MYH15: variants seen among roughly 807,000 people sequenced by gnomAD.
The protein encoded by MYH15 is myosin-15.
A neutral mutation model predicts 240.5 loss-of-function variants in MYH15; 227 were observed. The ratio of observed to expected loss-of-function variants is 0.94; its 90% CI spans 0.85 to 1.05. The LOEUF is 1.05. Ranked by LOEUF, MYH15 falls within the 50% of genes least tolerant of loss-of-function variation. The pLI is 0.00. For synonymous variants in MYH15, 785 were observed against 796.7 expected (o/e 0.99, Z 0.25); for missense variants, 2,217 against 2,247.5 (o/e 0.99, Z 0.27).
At chr3:108,497,982 C>T (rs770533491) in intron 6 of MYH15, 70 bp downstream of exon 6, 28 of 1,375,540 alleles carry the variant, frequency 2.0e-5, no homozygotes, top group African/African-American at 2.9e-5. Flanking sequence ...AAAAGTGGTC[C>T]GGACACAACC....
intron 16 of MYH15, among the ~76,000 whole-genome samples, chr3:108,462,885 G>A (rs569955785): frequency 5.3e-5 from 8 of 152,150 alleles, no homozygotes; most frequent in African/African-American, 1.9e-4. Flanking sequence ...TGAAGTAGAA[G>A]ACAAAAGCAG....
At position 108,495,822 on chromosome 3, in the gene MYH15, A is replaced by T. The variant is rs1435136450; in HGVS notation, c.669T>A (p.Phe223Leu). The stretch of plus-strand genomic sequence containing the variant: ...CATTTCTCAGGGTTTTAGCATTTCC[A>T]AATGCTTCCAAGATAGTATTCGCTT... ...IMQANTILEA[F>L]GNAKTLRNDN... The change falls in exon 7 of 41, where the codon TTT becomes TTA. Residue 223 changes from phenylalanine to leucine, a missense_variant. Phe to Leu is a conservative substitution (Grantham distance 22, BLOSUM62 0). Coordinates refer to ENST00000693548, the MANE Select transcript of MYH15 (RefSeq NM_014981.3). The T allele has an allele frequency of 3.1e-6, 5 of 1,612,964 alleles. No individual in the cohort carries two copies. Among genetic ancestry groups the T allele is most frequent in the Admixed American group, 1.7e-5 (1 of 59,812 alleles).
rs6780148 is a variant in MYH15 at position 108,445,438 on chromosome 3, A to G, written c.2400-543T>C. On this transcript the variant is annotated intron_variant, in intron 21 of 40. Coordinates refer to ENST00000693548, the MANE Select transcript of MYH15 (RefSeq NM_014981.3). ...TCCTGCTTCAGATTTTTTTTTAATG[A>G]TCCAGTACCACTGAAGTATTTAAGG... Among the ~76,000 whole-genome samples the G allele has an allele frequency of 9.7e-3, 1,483 of 152,258 alleles. 27 individuals carry two copies. The highest frequency in any genetic ancestry group is 0.034 in the African/African-American group (1,414 of 41,524).
intron 14 of MYH15, among the ~76,000 whole-genome samples, chr3:108,468,931 C>T (rs3996013): frequency 0.13 from 19,761 of 152,154 alleles, 1,679 homozygotes; most frequent in East Asian, 0.41. Flanking sequence ...AACTACGGCT[C>T]TTATAAGGCC....
chr3:108,437,628 G>C lies in MYH15; in HGVS notation c.3147C>G (p.Gly1049=). Residue 1049 remains glycine, a synonymous_variant, in exon 25 of 41, where the codon GGC becomes GGG. Transcript: ENST00000693548. ...TACTTTCCCGATTCAGCTTTAAATT[G>C]CCCTCCAGTTTGTGCAGTTCCCTTT... ...NCERELHKLE[G]NLKLNRESME... is the part of the protein sequence containing the mutation. 1 of 1,614,010 alleles carries C rather than the reference G, an allele frequency of 6.2e-7. No individual in the cohort carries two copies. Among genetic ancestry groups the C allele is most frequent in the Non-Finnish European group, 8.5e-7 (1 of 1,179,994 alleles).
Position 108,381,474 on chromosome 3 carries a change from C to T in MYH15, c.*71G>A. The stretch of plus-strand genomic sequence containing the variant: ...GTTTTTAAAAATGTTTCCATGCAAC[C>T]TAAGTTTTTGGCCATGAAACAGCAC... On this transcript the variant is annotated 3_prime_UTR_variant, in exon 41 of 41. Coordinates refer to ENST00000693548, the MANE Select transcript of MYH15 (RefSeq NM_014981.3). 2 of 1,537,312 alleles carry T rather than the reference C, an allele frequency of 1.3e-6. No homozygotes were observed. The highest frequency in any genetic ancestry group is 1.8e-6 in the Non-Finnish European group (2 of 1,110,982).
At position 108,501,652 on chromosome 3, in the gene MYH15, G is replaced by C. The variant is rs1487402531; in HGVS notation, c.339+60C>G. On this transcript the variant is annotated intron_variant, in intron 3 of 40. Coordinates refer to ENST00000693548, the MANE Select transcript of MYH15 (RefSeq NM_014981.3). ...TCAATGTAAGAGATCACCCAGGAGA[G>C]ATTGGGACATGCAATGTGACTGCCA... 6 of 1,601,966 alleles carry C rather than the reference G, an allele frequency of 3.7e-6. No individual in the cohort carries two copies. In the African/African-American group the frequency reaches 4.0e-5, roughly 11 times the overall value.
intron 11 of MYH15, among the ~76,000 whole-genome samples, chr3:108,482,633 C>A (rs929474755): frequency 1.3e-5 from 2 of 152,146 alleles, no homozygotes; most frequent in Non-Finnish European, 2.9e-5. Context: ...ATCTTCATAA[C>A]ACATTGTCTC....
chr3:108,489,649 T>C (rs1024245815), intron 9 of MYH15, among the ~76,000 whole-genome samples: 7 of 152,174 alleles, frequency 4.6e-5, no homozygotes, highest in African/African-American at 1.7e-4. Flanking sequence ...GACCAGCCTC[T>C]CTGCTGTGAT....
intron 35 of MYH15, among the ~76,000 whole-genome samples, chr3:108,396,942 C>T (rs992785984): frequency 3.3e-5 from 5 of 152,182 alleles, no homozygotes; most frequent in African/African-American, 1.2e-4. Context: ...TTATCCTTCA[C>T]CTTGAAGGAG....
rs7613037 is a variant in MYH15 at position 108,478,075 on chromosome 3, C to G, written c.1115-1560G>C. 6.2e-3 allele frequency among the ~76,000 whole-genome samples: 947 copies of G among 152,164 alleles called. 9 individuals are homozygous for G. The highest frequency in any genetic ancestry group is 0.019 in the African/African-American group (769 of 41,542). ...TGTCTTATAATAGAAGGTAATGCAG[C>G]CTTTCTTTAATTCACTAAAGAAAAA... On this transcript the variant is annotated intron_variant, in intron 11 of 40. Coordinates refer to ENST00000693548, the MANE Select transcript of MYH15 (RefSeq NM_014981.3).
chr3:108,385,424 C>T (rs1338992600), intron 38 of MYH15, among the ~76,000 whole-genome samples: 1 of 152,192 alleles, frequency 6.6e-6, no homozygotes, highest in African/African-American at 2.4e-5. Context: ...TGTGCCCATT[C>T]TCATTGCCTC....
chr3:108,468,417 C>G (rs1440480737), intron 14 of MYH15, among the ~76,000 whole-genome samples: 1 of 152,154 alleles, frequency 6.6e-6, no homozygotes, highest in Non-Finnish European at 1.5e-5. Flanking sequence ...TCCCATTATG[C>G]ATTTTATTTC....
At chr3:108,496,231 C>T (rs536870948) in intron 6 of MYH15, among the ~76,000 whole-genome samples, 2 of 152,344 alleles carry the variant, frequency 1.3e-5, no homozygotes, top group African/African-American at 4.8e-5. Flanking sequence ...CATTAATCTT[C>T]CTCTCTTCCC....
At chr3:108,486,352 A>G in intron 10 of MYH15, 71 bp downstream of exon 10, 1 of 1,297,102 alleles carries the variant, frequency 7.7e-7, no homozygotes, top group Non-Finnish European at 1.1e-6. Flanking sequence ...CTAAGAACAG[A>G]ACTCTAAGAT....
intron 17 of MYH15, 72 bp from the exon 18 acceptor site, chr3:108,459,521 G>A (rs1403059991): frequency 3.5e-6 from 3 of 851,498 alleles, no homozygotes; most frequent in African/African-American, 3.5e-5. Context: ...CCTCACAAAT[G>A]TCTCCAAATC....
At chr3:108,546,823 A>G in the MYH15 span, among the ~76,000 whole-genome samples, 3 of 152,174 alleles carry the variant, frequency 2.0e-5, no homozygotes, top group Non-Finnish European at 4.4e-5. Flanking sequence ...TTAAATGAAC[A>G]CAAGTATAAA....
rs369417927 is a variant in MYH15, at chr3:108,442,002, A to G, written c.2656-742T>C. Among the ~76,000 whole-genome samples, 110 of 152,318 alleles carry G rather than the reference A, an allele frequency of 7.2e-4. No individual in the cohort carries two copies. In the South Asian group the frequency reaches 0.022, roughly 30 times the overall value. ...GCAAAGGGGCTTTTTACTACAGAGCACCTTTCATAACTTTAGACCCCTCTA... is the reference window on the plus strand; with the variant it reads ...GCAAAGGGGCTTTTTACTACAGAGCGCCTTTCATAACTTTAGACCCCTCTA... On this transcript the variant is annotated intron_variant, in intron 22 of 40. Coordinates refer to ENST00000693548, the MANE Select transcript of MYH15 (RefSeq NM_014981.3).
At position 108,521,859 on chromosome 3, in the gene MYH15, G is replaced by A. The variant is rs563794432; in HGVS notation, c.-58+7404C>T. Among the ~76,000 whole-genome samples the A allele has an allele frequency of 5.3e-5, 8 of 152,250 alleles. No individual in the cohort carries two copies. The East Asian group carries it at 1.2e-3, about 22-fold the overall frequency. On this transcript the variant is annotated intron_variant, in intron 1 of 41. Coordinates refer to the MYH15 transcript ENST00000273353. ...TTAAAGTGCCCTACTTGGCCTTTGGGAGACTGCAAACCATTTTCAGGTGTG... is the reference window on the plus strand; with the variant it reads ...TTAAAGTGCCCTACTTGGCCTTTGGAAGACTGCAAACCATTTTCAGGTGTG...
Sources: gnomAD v4.1 joint callset for allele counts (sites outside exome capture counted in the v4.1 genomes callset) on GRCh38, gnomAD v4.1.1 for gene constraint, MANE v1.5 for transcripts, NCBI Gene and HGNC (gene_info 2026-07-23, HGNC 2026-07-21) for gene names.